MAP3K4: variants seen among roughly 807,000 people sequenced by gnomAD.
MAP3K4 encodes MAP three kinase 1.
A neutral mutation model predicts 185.6 loss-of-function variants in MAP3K4; 67 were observed. The ratio of observed to expected loss-of-function variants is 0.36; its 90% CI spans 0.30 to 0.44. The LOEUF (loss-of-function observed/expected upper bound fraction) is 0.44, where lower values mean the gene tolerates loss of function less well. MAP3K4 is among the 20% of genes least tolerant of loss of function. MAP3K4 has a pLI of 1.00. For missense variants in MAP3K4, 1,551 were observed against 1,995.1 expected (o/e 0.78, Z 4.24); for synonymous variants, 702 against 710.4 (o/e 0.99, Z 0.19).
rs1777412395 is a variant in MAP3K4, at chr6:161,093,396, A to G, written c.3348+340A>G. 1.3e-5 allele frequency among the ~76,000 whole-genome samples: 2 copies of G among 152,338 alleles called. No individual in the cohort carries two copies. Among genetic ancestry groups the G allele is most frequent in the South Asian group, 2.1e-4 (1 of 4,826 alleles). On this transcript the variant is annotated intron_variant, in intron 14 of 26. Coordinates refer to ENST00000392142, the MANE Select transcript of MAP3K4 (RefSeq NM_005922.4). The surrounding 1 kb of genome is among the most constrained non-coding windows in gnomAD (Gnocchi z 5.2). ...CCTCAGTGTGCATCATTTTGAGAGC[A>G]TCATGCTCGTGTTAAATATTATCAC... is the stretch of plus-strand genomic sequence containing the variant.
intron 19 of MAP3K4, among the ~76,000 whole-genome samples, chr6:161,104,612 G>A (rs555920288): frequency 1.3e-5 from 2 of 151,194 alleles, no homozygotes; most frequent in Non-Finnish European, 2.9e-5. Flanking sequence ...TTGGGAGGCC[G>A]AGGCAGAAGA....
At chr6:161,060,976 T>A (rs545923269) in intron 3 of MAP3K4, among the ~76,000 whole-genome samples, 1 of 152,346 alleles carries the variant, frequency 6.6e-6, no homozygotes, top group South Asian at 2.1e-4. Context: ...AGAAATGGTA[T>A]ATTCCAAGAC....
At chr6:161,012,393 A>G (rs1282590667) in intron 1 of MAP3K4, among the ~76,000 whole-genome samples, 2 of 152,188 alleles carry the variant, frequency 1.3e-5, no homozygotes, top group Non-Finnish European at 1.5e-5. Flanking sequence ...TTTTTATTAT[A>G]TAAATCATAA....
rs190823984 is a variant in MAP3K4 at position 161,107,654 on chromosome 6, A to G, written c.4049-245A>G. On this transcript the variant is annotated intron_variant, in intron 20 of 26. Transcript: ENST00000392142. This position sits in a 1 kb window ranked among gnomAD's most constrained non-coding sequence, Gnocchi z 6.2. The stretch of plus-strand genomic sequence containing the variant: ...TTTCATGCTTCTCCTGGAATTTACC[A>G]AAGTCGGTTCTGCTCTATTTAAAGA... Among the ~76,000 whole-genome samples the G allele has an allele frequency of 1.2e-4, 18 of 152,314 alleles. No individual in the cohort carries two copies. Among genetic ancestry groups the G allele is most frequent in the Admixed American group, 2.0e-4 (3 of 15,296 alleles).
Position 161,075,057 on chromosome 6 carries a change from A to T in MAP3K4, c.2097+1445A>T, listed in dbSNP as rs1221298393. Among the ~76,000 whole-genome samples the T allele has an allele frequency of 3.9e-5, 6 of 152,200 alleles. No individual in the cohort carries two copies. In the East Asian group the frequency reaches 1.2e-3, roughly 29 times the overall value. On this transcript the variant is annotated intron_variant, in intron 5 of 26. Coordinates refer to ENST00000392142, the MANE Select transcript of MAP3K4 (RefSeq NM_005922.4). The surrounding 1 kb of genome is among the most constrained non-coding windows in gnomAD (Gnocchi z 4.3). ...AATGTGGCTGGGAATGAGACATATT[A>T]TATCTGGCATATTGCAAGAAATCAT...
chr6:161,029,288 G>C (rs945160171), intron 1 of MAP3K4, among the ~76,000 whole-genome samples: 1 of 152,158 alleles, frequency 6.6e-6, no homozygotes, highest in African/African-American at 2.4e-5. Context: ...CAGAACCACA[G>C]ATGTTTTCAG....
At chr6:161,047,562 G>C (rs1372380243) in intron 2 of MAP3K4, among the ~76,000 whole-genome samples, 1 of 152,126 alleles carries the variant, frequency 6.6e-6, no homozygotes, top group African/African-American at 2.4e-5. Context: ...GTAGAGGGTA[G>C]ATTGAGATGG....
chr6:161,021,243 C>A (rs1782371175), intron 1 of MAP3K4, among the ~76,000 whole-genome samples: 1 of 152,178 alleles, frequency 6.6e-6, no homozygotes, highest in South Asian at 2.1e-4. Context: ...CTGTTAGCTA[C>A]CAACAGGTCA....
At chr6:161,050,570 T>TA (rs1294256752) in intron 3 of MAP3K4, among the ~76,000 whole-genome samples, 4 of 152,204 alleles carry the variant, frequency 2.6e-5, no homozygotes, top group Admixed American at 2.6e-4. Context: ...TTTTGTCAGA[T>TA]ATGTGTTTCG....
intron 2 of MAP3K4, among the ~76,000 whole-genome samples, chr6:161,040,728 C>T (rs965692307): frequency 6.6e-6 from 1 of 152,244 alleles, no homozygotes; most frequent in African/African-American, 2.4e-5. Flanking sequence ...TAGCCAAGAA[C>T]AGAGATAGTC....
At chr6:161,072,963 G>A (rs1043611155) in intron 4 of MAP3K4, among the ~76,000 whole-genome samples, 9 of 151,942 alleles carry the variant, frequency 5.9e-5, no homozygotes, top group African/African-American at 2.2e-4. Context: ...GTTGGTTTTG[G>A]TGGTCATTAT....
chr6:161,083,794 T>G (rs906330183), intron 6 of MAP3K4, among the ~76,000 whole-genome samples: 2 of 152,258 alleles, frequency 1.3e-5, no homozygotes, highest in Non-Finnish European at 1.5e-5. Flanking sequence ...CAGGGCTTTC[T>G]GGACATGAAG....
intron 6 of MAP3K4, among the ~76,000 whole-genome samples, chr6:161,081,732 G>C (rs1476209200): frequency 6.6e-6 from 1 of 152,186 alleles, no homozygotes; most frequent in Non-Finnish European, 1.5e-5. Context: ...GTCTTTGCTG[G>C]TGGCCACTGC....
intron 2 of MAP3K4, among the ~76,000 whole-genome samples, chr6:161,040,097 C>T (rs1160534231): frequency 2.6e-5 from 4 of 152,162 alleles, no homozygotes; most frequent in African/African-American, 9.7e-5. Context: ...TTTTGATACT[C>T]CTACCAACAA....
chr6:161,000,379 G>T (rs1000107790), intron 1 of MAP3K4, among the ~76,000 whole-genome samples: 2 of 152,118 alleles, frequency 1.3e-5, no homozygotes, highest in African/African-American at 4.8e-5. Flanking sequence ...TCTACTAAAT[G>T]ATCAAATGGA....
intron 19 of MAP3K4, among the ~76,000 whole-genome samples, chr6:161,104,905 C>G (rs1158304235): frequency 6.6e-6 from 1 of 152,080 alleles, no homozygotes; most frequent in Non-Finnish European, 1.5e-5. Flanking sequence ...GAAATTATAA[C>G]TGGACCATTA....
In MAP3K4 at chr6:161,021,776, T is replaced by C. The variant is rs1014222979; in HGVS notation, c.153-12483T>C. 3.3e-5 allele frequency among the ~76,000 whole-genome samples: 5 copies of C among 152,242 alleles called. No individual in the cohort carries two copies. The South Asian group carries it at 1.0e-3, about 31-fold the overall frequency. Reference sequence around the variant, plus strand: ...CTCTACTCCTAGCACACCTCTTGTCTGGTGGGGTCATTGTTGAATGAAATA... The same window carrying C: ...CTCTACTCCTAGCACACCTCTTGTCCGGTGGGGTCATTGTTGAATGAAATA... On this transcript the variant is annotated intron_variant, in intron 1 of 26. Coordinates refer to ENST00000392142, the MANE Select transcript of MAP3K4 (RefSeq NM_005922.4).
chr6:161,080,556 T>C lies in MAP3K4; in HGVS notation c.2098-325T>C. 3.2e-6 allele frequency: 1 copy of C among 310,660 alleles called. No individual in the cohort carries two copies. The highest frequency in any genetic ancestry group is 3.1e-5 in the South Asian group (1 of 32,484). The allele number at this position is 310,660 out of a possible 1,614,324, so 19.2% of individuals were successfully genotyped here. A position where few individuals can be genotyped will look rare whatever the true frequency, so the allele number is the denominator to read the frequency against. Reference sequence around the variant, plus strand: ...CCTCTTAAAGGAATAATGTTGACAGTACATTCATAATGAAAAGTTCTGGGT... The same window carrying C: ...CCTCTTAAAGGAATAATGTTGACAGCACATTCATAATGAAAAGTTCTGGGT... On this transcript the variant is annotated intron_variant, in intron 5 of 26. Coordinates refer to ENST00000392142, the MANE Select transcript of MAP3K4 (RefSeq NM_005922.4). The surrounding 1 kb of genome is among the most constrained non-coding windows in gnomAD (Gnocchi z 4.8).
chr6:161,110,440 C>T lies in MAP3K4; in HGVS notation c.4396+526C>T, dbSNP rs183994157. 1.1e-4 allele frequency among the ~76,000 whole-genome samples: 17 copies of T among 152,288 alleles called. No homozygotes were observed. The highest frequency in any genetic ancestry group is 5.9e-4 in the Admixed American group (9 of 15,304). ...GATTAAAAGTGCTCTTCTCATAGCA[C>T]GAGGGGAATAGCTGGGCTTCTGTCT... On this transcript the variant is annotated intron_variant, in intron 23 of 26. Transcript: ENST00000392142. The surrounding 1 kb of genome is among the most constrained non-coding windows in gnomAD (Gnocchi z 4.8).
Sources: gnomAD v4.1 joint callset for allele counts (sites outside exome capture counted in the v4.1 genomes callset) on GRCh38, gnomAD v4.1.1 for gene constraint, Gnocchi (gnomAD v3.1) non-coding constraint, MANE v1.5 for transcripts, NCBI Gene and HGNC (gene_info 2026-07-23, HGNC 2026-07-21) for gene names.